The following SAMTOR variants were observed in gnomAD, a reference collection of about 807,000 sequenced individuals.
The protein encoded by SAMTOR is S-adenosylmethionine sensor upstream of mTORC1.
the SAMTOR span, among the ~76,000 whole-genome samples, chr7:112,892,997 C>T: frequency 3.6e-4 from 55 of 152,186 alleles, no homozygotes; most frequent in African/African-American, 1.1e-3. Flanking sequence ...TTAAATATTC[C>T]GTAAACTATT....
At chr7:112,837,440 C>T in the SAMTOR span, among the ~76,000 whole-genome samples, 3 of 151,974 alleles carry the variant, frequency 2.0e-5, no homozygotes, top group Non-Finnish European at 4.4e-5. Context: ...TGCCTGGTTG[C>T]TCTGGCCAGG....
chr7:112,934,533 T>C, the SAMTOR span, among the ~76,000 whole-genome samples: 1 of 152,216 alleles, frequency 6.6e-6, no homozygotes, highest in East Asian at 1.9e-4. Flanking sequence ...ATCTTCAAAG[T>C]CTGTCTTCTT....
chr7:112,860,479 T>C, the SAMTOR span, among the ~76,000 whole-genome samples: 1 of 152,182 alleles, frequency 6.6e-6, no homozygotes, highest in African/African-American at 2.4e-5. Flanking sequence ...TGCGACTGTA[T>C]TGAGTTTTCT....
At chr7:112,900,122 A>G in the SAMTOR span, among the ~76,000 whole-genome samples, 1 of 150,290 alleles carries the variant, frequency 6.7e-6, no homozygotes, top group South Asian at 2.1e-4. Context: ...ATATCTGTAC[A>G]TATATATATA....
At chr7:112,821,620 C>A in the SAMTOR span, 2 of 925,148 alleles carry the variant, frequency 2.2e-6, no homozygotes, top group Non-Finnish European at 3.2e-6. Flanking sequence ...ATAGCAAACT[C>A]TGTAAACCTC....
the SAMTOR span, among the ~76,000 whole-genome samples, chr7:112,833,089 C>A: frequency 2.6e-5 from 4 of 151,616 alleles, no homozygotes; most frequent in Non-Finnish European, 4.4e-5. Flanking sequence ...CCACCCCCAA[C>A]CCCCATTTTT....
the SAMTOR span, among the ~76,000 whole-genome samples, chr7:112,865,667 C>CATACATATATTCATATATTTTTCATAT: frequency 1.1e-5 from 1 of 92,936 alleles, no homozygotes; most frequent in Non-Finnish European, 2.1e-5. Flanking sequence ...ATATTTCATA[C>CATACATATATTCATATATTTTTCATAT]ATACATATAT....
chr7:112,868,384 C>A, the SAMTOR span, among the ~76,000 whole-genome samples: 1 of 152,204 alleles, frequency 6.6e-6, no homozygotes, highest in East Asian at 1.9e-4. Context: ...GGCAAGCCAG[C>A]AATCCTCGTG....
At chr7:112,916,638 G>A in the SAMTOR span, among the ~76,000 whole-genome samples, 1 of 152,148 alleles carries the variant, frequency 6.6e-6, no homozygotes, top group African/African-American at 2.4e-5. Context: ...AGTGGGGCGA[G>A]GCACTGCCTC....
chr7:112,922,891 C>CG, the SAMTOR span, among the ~76,000 whole-genome samples: 1 of 6,498 alleles, frequency 1.5e-4, no homozygotes, highest in Admixed American at 3.5e-3. Context: ...GGGGGTCAGC[C>CG]CCCCCCCCCC....
the SAMTOR span, among the ~76,000 whole-genome samples, chr7:112,868,369 G>A: frequency 6.6e-6 from 1 of 152,322 alleles, no homozygotes; most frequent in East Asian, 1.9e-4. Context: ...CCCTGGGGAG[G>A]AGAAGGCAAG....
the SAMTOR span, among the ~76,000 whole-genome samples, chr7:112,825,082 T>C: frequency 6.6e-6 from 1 of 152,130 alleles, no homozygotes; most frequent in South Asian, 2.1e-4. Flanking sequence ...AGTACAGTGG[T>C]GTGATCTTAG....
chr7:112,862,211 C>T, the SAMTOR span, among the ~76,000 whole-genome samples: 16 of 152,132 alleles, frequency 1.1e-4, no homozygotes, highest in African/African-American at 3.6e-4. Context: ...GCTAGGATCA[C>T]GCCACTGCAC....
the SAMTOR span, among the ~76,000 whole-genome samples, chr7:112,838,588 T>C: frequency 0.011 from 1,619 of 151,980 alleles, 30 homozygotes; most frequent in African/African-American, 0.037. Flanking sequence ...TTTTGACTTT[T>C]GGAAGTTGTT....
the SAMTOR span, among the ~76,000 whole-genome samples, chr7:112,871,271 T>C: frequency 1.3e-5 from 2 of 152,184 alleles, no homozygotes; most frequent in South Asian, 2.1e-4. Context: ...TGCTCAGTTA[T>C]AAAGCAAGTC....
chr7:112,936,226 T>C, the SAMTOR span, among the ~76,000 whole-genome samples: 12 of 152,270 alleles, frequency 7.9e-5, no homozygotes, highest in African/African-American at 2.9e-4. Context: ...AAAGACTGTC[T>C]CTTAACTATC....
At chr7:112,832,541 A>C in the SAMTOR span, 5 of 1,409,454 alleles carry the variant, frequency 3.5e-6, no homozygotes, top group Non-Finnish European at 5.0e-6. Flanking sequence ...ATTAAAGTCC[A>C]AAAACAAAAC....
chr7:112,839,836 G>C, the SAMTOR span, among the ~76,000 whole-genome samples: 1 of 151,624 alleles, frequency 6.6e-6, no homozygotes, highest in Non-Finnish European at 1.5e-5. Flanking sequence ...ATTAAAAATT[G>C]TTATATTTTC....
At chr7:112,884,683 C>T in the SAMTOR span, among the ~76,000 whole-genome samples, 1 of 152,200 alleles carries the variant, frequency 6.6e-6, no homozygotes, top group Non-Finnish European at 1.5e-5. Context: ...TTGCAGGGTA[C>T]AGCCCCTCTC....
Sources: allele counts gnomAD v4.1 joint callset (sites outside exome capture counted in the v4.1 genomes callset), GRCh38; gene constraint gnomAD v4.1.1; transcripts MANE v1.5; gene names NCBI Gene and HGNC (gene_info 2026-07-23, HGNC 2026-07-21).